Variants in ELMO1 observed in about 807,000 individuals in gnomAD.
The protein encoded by ELMO1 is engulfment and cell motility 1, also known as engulfment and cell motility protein 1.
A neutral mutation model predicts 98.9 loss-of-function variants in ELMO1; 26 were observed. The ratio of observed to expected loss-of-function variants is 0.26; its 90% confidence interval spans 0.19 to 0.36. The LOEUF (loss-of-function observed/expected upper bound fraction) is 0.36, where lower values mean the gene tolerates loss of function less well. ELMO1 is among the 10% of genes least tolerant of loss of function. The probability of loss-of-function intolerance (pLI) is 1.00; values close to 1 mark genes in which losing one functional copy is unlikely to be tolerated. For synonymous variants in ELMO1, 346 were observed against 346.0 expected (o/e 1.00, Z 0.00); for missense variants, 627 against 935.2 (o/e 0.67, Z 4.30).
chr7:37,400,266 G>C (rs189717573), intron 1 of ELMO1, among the ~76,000 whole-genome samples: 7 of 152,204 alleles, frequency 4.6e-5, no homozygotes, highest in Admixed American at 2.6e-4. Flanking sequence ...AACAAGCCTG[G>C]AAAGCCAGTG....
At position 37,019,883 on chromosome 7, in the gene ELMO1, A is replaced by G. The variant is rs146395091; in HGVS notation, c.1301-6448T>C. ...CAATTTGCTGATATCTCATTCACTT[A>G]TAAGCAAGCCAGCTTTGAAAGCAGC... On this transcript the variant is annotated intron_variant, in intron 15 of 21. Transcript: ENST00000310758. 2.3e-3 allele frequency among the ~76,000 whole-genome samples: 344 copies of G among 152,344 alleles called. 1 individual carries two copies. The highest frequency in any genetic ancestry group is 4.4e-3 in the East Asian group (23 of 5,188).
intron 1 of ELMO1, among the ~76,000 whole-genome samples, chr7:37,405,987 C>T (rs35147166): frequency 0.23 from 35,278 of 151,994 alleles, 4,325 homozygotes; most frequent in East Asian, 0.41. Context: ...CCCAGTCCAC[C>T]GCAGCTACAG....
intron 1 of ELMO1, among the ~76,000 whole-genome samples, chr7:37,356,027 G>A (rs925584724): frequency 3.3e-5 from 5 of 152,178 alleles, no homozygotes; most frequent in Admixed American, 6.6e-5. Context: ...CCAAAGTATG[G>A]AGCTTTGGCA....
intron 16 of ELMO1, among the ~76,000 whole-genome samples, chr7:36,948,683 T>A (rs1214516997): frequency 6.6e-6 from 1 of 152,150 alleles, no homozygotes; most frequent in Non-Finnish European, 1.5e-5. Context: ...CTCCTTCCTA[T>A]GAAGAAGGAA....
chr7:36,861,630 T>C, intron 21 of ELMO1, 29 bp downstream of exon 21: 1 of 1,599,310 alleles, frequency 6.3e-7, no homozygotes, highest in Non-Finnish European at 8.5e-7. Context: ...TAACATTATC[T>C]CATAAATTAT....
At chr7:37,095,985 A>T (rs1471325125) in intron 15 of ELMO1, among the ~76,000 whole-genome samples, 3 of 152,256 alleles carry the variant, frequency 2.0e-5, no homozygotes, top group Non-Finnish European at 4.4e-5. Flanking sequence ...AATCATATCC[A>T]CCTTGGTAGA....
intron 16 of ELMO1, among the ~76,000 whole-genome samples, chr7:36,959,388 CCA>C (rs1206121374): frequency 6.6e-6 from 1 of 152,140 alleles, no homozygotes; most frequent in Non-Finnish European, 1.5e-5. Context: ...AAAGTCCTGA[CCA>C]CAGTTTTCAA....
Position 37,289,996 on chromosome 7 carries a change from T to C in ELMO1, c.193-18114A>G, listed in dbSNP as rs116599969. On this transcript the variant is annotated intron_variant, in intron 4 of 21. Coordinates refer to ENST00000310758, the MANE Select transcript of ELMO1 (RefSeq NM_014800.11). ...TCTGTTGGGAGGGACTAATGCAACA[T>C]AGGCCTAAGCATAAGTAAGACAGTG... Among the ~76,000 whole-genome samples, 495 of 152,332 alleles carry C rather than the reference T, an allele frequency of 3.2e-3. 1 individual carries two copies. The highest frequency in any genetic ancestry group is 0.011 in the African/African-American group (476 of 41,578).
intron 15 of ELMO1, among the ~76,000 whole-genome samples, chr7:37,052,505 C>T (rs1249108696): frequency 1.3e-5 from 2 of 152,174 alleles, no homozygotes; most frequent in Non-Finnish European, 2.9e-5. Context: ...CCAATATTTG[C>T]CTTCATATCT....
intron 1 of ELMO1, among the ~76,000 whole-genome samples, chr7:37,343,341 G>C (rs943236211): frequency 3.3e-5 from 5 of 152,104 alleles, no homozygotes; most frequent in Admixed American, 2.6e-4. Flanking sequence ...ACCTTCGGTG[G>C]GGGGTGGGGG....
chr7:37,261,541 C>CT (rs1795974788), intron 5 of ELMO1, among the ~76,000 whole-genome samples: 1 of 152,154 alleles, frequency 6.6e-6, no homozygotes, highest in South Asian at 2.1e-4. Context: ...GACCACCACT[C>CT]TAAATCACTC....
intron 1 of ELMO1, among the ~76,000 whole-genome samples, chr7:37,395,523 T>C (rs1803260782): frequency 6.6e-6 from 1 of 152,236 alleles, no homozygotes; most frequent in African/African-American, 2.4e-5. Flanking sequence ...TATTTACTTT[T>C]AAGGAAAGTA....
intron 15 of ELMO1, among the ~76,000 whole-genome samples, chr7:37,027,627 A>C (rs1794654410): frequency 6.6e-6 from 1 of 152,166 alleles, no homozygotes; most frequent in South Asian, 2.1e-4. Flanking sequence ...ATTTTTGCCT[A>C]TTTACTGTTT....
In ELMO1 at chr7:36,858,470, C is replaced by T. The variant is rs74338041; in HGVS notation, c.1984-2719G>A. ...AATATATGAATTATATTGCAGATTGCGGTGGGAAAAATAATACCCGCCTTC... is the reference window on the plus strand; with the variant it reads ...AATATATGAATTATATTGCAGATTGTGGTGGGAAAAATAATACCCGCCTTC... On this transcript the variant is annotated intron_variant, in intron 21 of 21. Coordinates refer to ENST00000310758, the MANE Select transcript of ELMO1 (RefSeq NM_014800.11). Among the ~76,000 whole-genome samples the T allele has an allele frequency of 3.2e-3, 482 of 152,242 alleles. 1 individual carries two copies. The highest frequency in any genetic ancestry group is 4.4e-3 in the Non-Finnish European group (298 of 68,008).
At chr7:37,156,022 A>C (rs774991701) in intron 13 of ELMO1, among the ~76,000 whole-genome samples, 2 of 152,204 alleles carry the variant, frequency 1.3e-5, no homozygotes, top group Non-Finnish European at 2.9e-5. Flanking sequence ...TAAGAACCTC[A>C]CTCAAAACTG....
chr7:37,216,229 G>T (rs1340410998), intron 11 of ELMO1, among the ~76,000 whole-genome samples: 5 of 151,610 alleles, frequency 3.3e-5, no homozygotes, highest in Admixed American at 3.3e-4. Context: ...CTTGCATGCG[G>T]GCCCCCAAAA....
At chr7:36,881,421 A>T (rs1043575932) in intron 18 of ELMO1, among the ~76,000 whole-genome samples, 1 of 152,210 alleles carries the variant, frequency 6.6e-6, no homozygotes, top group African/African-American at 2.4e-5. Context: ...CCCCAGCATG[A>T]TGTTACTTGT....
At chr7:36,947,348 GCT>G in intron 16 of ELMO1, among the ~76,000 whole-genome samples, 1 of 152,114 alleles carries the variant, frequency 6.6e-6, no homozygotes, top group Admixed American at 6.5e-5. Flanking sequence ...TTCCTGGTGT[GCT>G]CTTATTCTCA....
intron 1 of ELMO1, among the ~76,000 whole-genome samples, chr7:37,423,473 G>A (rs542473581): frequency 1.6e-4 from 25 of 152,264 alleles, no homozygotes; most frequent in African/African-American, 5.3e-4. Flanking sequence ...CCAGCTATTC[G>A]GGAGGCTGAG....
Sources: allele counts gnomAD v4.1 joint callset (sites outside exome capture counted in the v4.1 genomes callset), GRCh38; gene constraint gnomAD v4.1.1; transcripts MANE v1.5; gene names NCBI Gene and HGNC (gene_info 2026-07-23, HGNC 2026-07-21).